The following FAM227A variants were observed in gnomAD, a reference collection of about 807,000 sequenced individuals.
FAM227A encodes the protein protein FAM227A.
Under a neutral mutation model 74.7 loss-of-function variants are expected in FAM227A, and 80 were observed. The ratio of observed to expected loss-of-function variants is 1.07; its 90% CI spans 0.89 to 1.29. The LOEUF is 1.29. FAM227A is among the 50% of genes most tolerant of loss of function. The probability of loss-of-function intolerance (pLI) is 0.00; values close to 1 mark genes in which losing one functional copy is unlikely to be tolerated. For missense variants in FAM227A, 654 were observed against 683.4 expected (o/e 0.96, Z 0.48); for synonymous variants, 237 against 241.8 (o/e 0.98, Z 0.19).
At position 38,620,171 on chromosome 22, in the gene FAM227A, T is replaced by A. The variant is rs567171528; in HGVS notation, c.1038+41A>T. ...AAGAACCGAGGGTTCCTGAAGCTTATGGGACTCCAAAGGGGTCCTGGTCCG... is the reference window on the plus strand; with the variant it reads ...AAGAACCGAGGGTTCCTGAAGCTTAAGGGACTCCAAAGGGGTCCTGGTCCG... On this transcript the variant is annotated intron_variant, in intron 11 of 16. Coordinates refer to ENST00000535113, the MANE Select transcript of FAM227A (RefSeq NM_001013647.2). 8 of 1,393,812 alleles carry A rather than the reference T, an allele frequency of 5.7e-6. No individual in the cohort carries two copies. The Admixed American group carries it at 1.4e-4, about 24-fold the overall frequency. The allele number at this position is 1,393,812 out of a possible 1,614,324, so 86.3% of individuals were successfully genotyped here. A position where few individuals can be genotyped will look rare whatever the true frequency, so the allele number is the denominator to read the frequency against.
At chr22:38,637,050 A>G (rs1333624659) in intron 5 of FAM227A, among the ~76,000 whole-genome samples, 1 of 152,098 alleles carries the variant, frequency 6.6e-6, no homozygotes, top group Non-Finnish European at 1.5e-5. Context: ...AGTGCTATCT[A>G]CATTATTTCT....
intron 8 of FAM227A, among the ~76,000 whole-genome samples, chr22:38,626,913 T>C (rs9607556): frequency 0.021 from 1,886 of 89,606 alleles, 83 homozygotes; most frequent in African/African-American, 0.061. Flanking sequence ...TATATATATA[T>C]ACACGTATAT....
rs1165890437 is a variant in FAM227A at position 38,646,248 on chromosome 22, C to CTTTTTTTTTT, written c.143-613_143-604dup. ...CTTGGGAATTTTCCTTCCAGTATTT[C>CTTTTTTTTTT]TTTTTTTTTTTTTTTTTTTTTTTTT... is the stretch of plus-strand genomic sequence containing the variant. On this transcript the variant is annotated intron_variant, in intron 2 of 16. Transcript: ENST00000535113. Among the ~76,000 whole-genome samples, 22 of 82,398 alleles carry CTTTTTTTTTT rather than the reference C, an allele frequency of 2.7e-4. 2 individuals are homozygous for CTTTTTTTTTT. The highest frequency in any genetic ancestry group is 6.8e-4 in the African/African-American group (13 of 19,028). The allele number at this position is 82,398 out of a possible 152,430, so 54.1% of individuals were successfully genotyped here.
intron 5 of FAM227A, among the ~76,000 whole-genome samples, chr22:38,638,494 T>C (rs913653334): frequency 2.0e-5 from 3 of 152,154 alleles, no homozygotes; most frequent in Non-Finnish European, 2.9e-5. Flanking sequence ...GACCTGAACA[T>C]CTCTGAGCAG....
At position 38,593,405 on chromosome 22, in the gene FAM227A, T is replaced by C. The variant is rs527594747; in HGVS notation, c.1533-1865A>G. 3.9e-5 allele frequency among the ~76,000 whole-genome samples: 6 copies of C among 152,194 alleles called. No homozygotes were observed. In the East Asian group the frequency reaches 9.7e-4, roughly 25 times the overall value. Reference sequence around the variant, plus strand: ...CTGCAGTCCCAGCTACTTGGGAGGCTGAGGCAGGAGAACGGCATGAACCCA... The same window carrying C: ...CTGCAGTCCCAGCTACTTGGGAGGCCGAGGCAGGAGAACGGCATGAACCCA... On this transcript the variant is annotated intron_variant, in intron 15 of 16. Coordinates refer to ENST00000535113, the MANE Select transcript of FAM227A (RefSeq NM_001013647.2).
At position 38,579,533 on chromosome 22, in the gene FAM227A, G is replaced by A. The variant is rs1220488801; in HGVS notation, c.*6592C>T. Reference sequence around the variant, plus strand: ...AAGTGTGTAAAATATGCTTAGAAGTGTCCATGGTAGATGCCTTTAATTTTA... The same window carrying A: ...AAGTGTGTAAAATATGCTTAGAAGTATCCATGGTAGATGCCTTTAATTTTA... On this transcript the variant is annotated 3_prime_UTR_variant, in exon 17 of 17. Coordinates refer to ENST00000535113, the MANE Select transcript of FAM227A (RefSeq NM_001013647.2). 3 of 152,188 alleles carry A rather than the reference G, an allele frequency of 2.0e-5. No homozygotes were observed. The highest frequency in any genetic ancestry group is 4.4e-5 in the Non-Finnish European group (3 of 68,044). The allele number at this position is 152,188 out of a possible 1,614,324, so 9.4% of individuals were successfully genotyped here. A position where few individuals can be genotyped will look rare whatever the true frequency, so the allele number is the denominator to read the frequency against.
intron 1 of FAM227A, among the ~76,000 whole-genome samples, chr22:38,654,632 CA>C (rs1461909593): frequency 6.6e-6 from 1 of 151,060 alleles, no homozygotes; most frequent in Non-Finnish European, 1.5e-5. Flanking sequence ...GACCCTGTCT[CA>C]AAAAAATAAA....
At chr22:38,594,542 G>A (rs1236797912) in intron 15 of FAM227A, among the ~76,000 whole-genome samples, 1 of 152,208 alleles carries the variant, frequency 6.6e-6, no homozygotes, top group African/African-American at 2.4e-5. Flanking sequence ...AGGTATGATA[G>A]TTTTATTTAA....
At chr22:38,635,247 AAAGG>A (rs1232620442) in intron 6 of FAM227A, among the ~76,000 whole-genome samples, 12 of 151,220 alleles carry the variant, frequency 7.9e-5, no homozygotes, top group South Asian at 2.1e-4. Context: ...AAAAAAAAAA[AAAGG>A]AAGGAAGGGC....
intron 11 of FAM227A, among the ~76,000 whole-genome samples, chr22:38,610,633 T>C (rs955770256): frequency 6.6e-6 from 1 of 152,082 alleles, no homozygotes; most frequent in African/African-American, 2.4e-5. Flanking sequence ...AACCCGAACA[T>C]GGGAGGTGGA....
At chr22:38,599,583 T>A (rs1026886240) in intron 14 of FAM227A, among the ~76,000 whole-genome samples, 181 bp downstream of exon 14, 3 of 152,120 alleles carry the variant, frequency 2.0e-5, no homozygotes, top group Admixed American at 2.0e-4. Flanking sequence ...GGCTCTAGAT[T>A]TGGAACTAAG....
intron 1 of FAM227A, among the ~76,000 whole-genome samples, chr22:38,654,820 C>T (rs1473238743): frequency 2.7e-5 from 4 of 148,946 alleles, no homozygotes; most frequent in South Asian, 2.1e-4. Flanking sequence ...TGGTGGCGGG[C>T]GCCTGTAATC....
At chr22:38,602,925 G>C (rs940028893) in intron 13 of FAM227A, among the ~76,000 whole-genome samples, 2 of 152,126 alleles carry the variant, frequency 1.3e-5, no homozygotes, top group Non-Finnish European at 2.9e-5. Context: ...CCAGGCTGGA[G>C]TGCAGTGACG....
chr22:38,623,422 T>G (rs2091734232), intron 9 of FAM227A, 143 bp from the exon 10 acceptor site: 1 of 567,554 alleles, frequency 1.8e-6, no homozygotes, highest in Non-Finnish European at 3.2e-6. Context: ...CGTCTCTATT[T>G]AAAAAGAAAT....
At chr22:38,609,769 CTT>C (rs557247962) in intron 11 of FAM227A, among the ~76,000 whole-genome samples, 16 of 151,482 alleles carry the variant, frequency 1.1e-4, no homozygotes, top group Non-Finnish European at 1.9e-4. Context: ...TTTTTCTTTT[CTT>C]TCTTTTTTTT....
intron 11 of FAM227A, among the ~76,000 whole-genome samples, chr22:38,615,659 G>A (rs988455226): frequency 2.6e-5 from 4 of 152,186 alleles, no homozygotes; most frequent in Non-Finnish European, 5.9e-5. Context: ...GCAGTGGGGG[G>A]GCCTGATTCT....
At chr22:38,638,970 C>G in intron 4 of FAM227A, 148 bp from the exon 5 acceptor site, 1 of 567,094 alleles carries the variant, frequency 1.8e-6, no homozygotes. Flanking sequence ...GTGTTGCCGA[C>G]TTATCTGATT....
intron 6 of FAM227A, among the ~76,000 whole-genome samples, chr22:38,635,557 A>C (rs965186585): frequency 6.6e-6 from 1 of 152,144 alleles, no homozygotes; most frequent in Non-Finnish European, 1.5e-5. Flanking sequence ...CGCCTGAGCA[A>C]ACAGGTTCCT....
At position 38,585,561 on chromosome 22, in the gene FAM227A, T is replaced by A. The variant is rs1235056073; in HGVS notation, c.*564A>T. 1.3e-5 allele frequency: 2 copies of A among 152,786 alleles called. No individual in the cohort carries two copies. Among genetic ancestry groups the A allele is most frequent in the African/African-American group, 4.8e-5 (2 of 41,438 alleles). 9.5% of individuals were successfully genotyped at this position (152,786 alleles called of 1,614,324 possible). ...ATCAAATTAATAGTTCCACAAAGCT[T>A]GTTACAAAAAATTGCACTCCTCTAG... On this transcript the variant is annotated 3_prime_UTR_variant, in exon 17 of 17. Transcript: ENST00000535113.
Sources: allele counts gnomAD v4.1 joint callset (sites outside exome capture counted in the v4.1 genomes callset), GRCh38; gene constraint gnomAD v4.1.1; transcripts MANE v1.5; gene names NCBI Gene and HGNC (gene_info 2026-07-23, HGNC 2026-07-21).